ZNF704: variants seen among roughly 807,000 people sequenced by gnomAD.
ZNF704 encodes the protein glucocorticoid induced gene 1.
ZNF704 carries 10 observed loss-of-function variants against 44.7 expected under a neutral mutation model. The observed-to-expected ratio is 0.22, with a 90% confidence interval of 0.14 to 0.38. ZNF704 has a LOEUF of 0.38. Among genes scored for constraint, ZNF704 ranks in the 10% least tolerant of loss-of-function variants. The pLI is 1.00. For synonymous variants in ZNF704, 211 were observed against 207.6 expected (o/e 1.02, Z -0.14); for missense variants, 390 against 545.5 (o/e 0.71, Z 2.84).
chr8:80,794,062 G>C (rs752121987), intron 2 of ZNF704, among the ~76,000 whole-genome samples: 5 of 151,942 alleles, frequency 3.3e-5, no homozygotes, highest in Non-Finnish European at 7.4e-5. Context: ...ATTTATACTT[G>C]TTATAAATAA....
chr8:80,766,165 T>C (rs980157393), intron 2 of ZNF704, among the ~76,000 whole-genome samples: 10 of 152,176 alleles, frequency 6.6e-5, no homozygotes, highest in Admixed American at 6.5e-4. Flanking sequence ...CTCGCTTCCC[T>C]GTTCACAGTA....
At chr8:80,825,995 C>T (rs1808364927) in intron 1 of ZNF704, among the ~76,000 whole-genome samples, 2 of 151,904 alleles carry the variant, frequency 1.3e-5, no homozygotes, top group South Asian at 4.2e-4. Flanking sequence ...AAATTGACAC[C>T]CTAACATCAC....
chr8:80,790,225 T>A (rs556300844), intron 2 of ZNF704, among the ~76,000 whole-genome samples: 2 of 152,320 alleles, frequency 1.3e-5, no homozygotes, highest in Non-Finnish European at 2.9e-5. Flanking sequence ...TGGGCCCAGC[T>A]AAAATATTAT....
intron 2 of ZNF704, among the ~76,000 whole-genome samples, chr8:80,808,896 T>C (rs1405100717): frequency 6.6e-6 from 1 of 152,218 alleles, no homozygotes; most frequent in Non-Finnish European, 1.5e-5. Context: ...TTTGATGAAT[T>C]TGGTAAAGTC....
chr8:80,826,116 C>CA (rs896362062), intron 1 of ZNF704, among the ~76,000 whole-genome samples: 2 of 151,890 alleles, frequency 1.3e-5, no homozygotes, highest in South Asian at 2.1e-4. Context: ...AAAAACCCTT[C>CA]AAAAAAATCA....
chr8:80,691,305 G>C (rs1038236177), intron 3 of ZNF704, among the ~76,000 whole-genome samples: 2 of 152,244 alleles, frequency 1.3e-5, no homozygotes, highest in African/African-American at 4.8e-5. Context: ...AGTGGTCTCA[G>C]TGCATTACAT....
chr8:80,825,413 C>T (rs1469936106), intron 1 of ZNF704, among the ~76,000 whole-genome samples: 8 of 152,152 alleles, frequency 5.3e-5, no homozygotes, highest in Admixed American at 5.2e-4. Flanking sequence ...CAGGAGCACC[C>T]AGATTCATAA....
intron 1 of ZNF704, among the ~76,000 whole-genome samples, chr8:80,851,093 T>C (rs1009160062): frequency 1.3e-5 from 2 of 152,172 alleles, no homozygotes; most frequent in African/African-American, 4.8e-5. Context: ...GCTACAAACT[T>C]GTACGCACGT....
intron 1 of ZNF704, among the ~76,000 whole-genome samples, chr8:80,828,507 T>G (rs190874025): frequency 8.1e-4 from 123 of 152,318 alleles, no homozygotes; most frequent in African/African-American, 2.6e-3. Context: ...TGCACAATCA[T>G]GAGACATTTC....
intron 1 of ZNF704, among the ~76,000 whole-genome samples, chr8:80,830,554 T>C (rs1180777804): frequency 6.6e-6 from 1 of 152,038 alleles, no homozygotes; most frequent in Non-Finnish European, 1.5e-5. Context: ...TAGTGATATC[T>C]GTATGAGTAG....
At chr8:80,809,109 C>G (rs561436522) in intron 2 of ZNF704, among the ~76,000 whole-genome samples, 1 of 152,098 alleles carries the variant, frequency 6.6e-6, no homozygotes, top group African/African-American at 2.4e-5. Flanking sequence ...TTGGCCAACA[C>G]GGTGAAACCC....
chr8:80,672,925 TA>T (rs558048004), intron 4 of ZNF704, among the ~76,000 whole-genome samples: 1,963 of 147,390 alleles, frequency 0.013, 19 homozygotes, highest in African/African-American at 0.023. Context: ...AAGTTGAACT[TA>T]AAAAAAAAAA....
chr8:80,860,246 A>G (rs1243032919), intron 1 of ZNF704, among the ~76,000 whole-genome samples: 3 of 152,222 alleles, frequency 2.0e-5, no homozygotes, highest in Non-Finnish European at 4.4e-5. Flanking sequence ...TAACAGAGAA[A>G]GGAAAATTTG....
intron 2 of ZNF704, among the ~76,000 whole-genome samples, chr8:80,769,673 T>C (rs60685526): frequency 0.13 from 20,369 of 152,180 alleles, 2,114 homozygotes; most frequent in African/African-American, 0.29. Context: ...TTGTACATAC[T>C]GCTATCAGCA....
intron 2 of ZNF704, among the ~76,000 whole-genome samples, chr8:80,816,126 C>G (rs1282951068): frequency 6.6e-6 from 1 of 152,208 alleles, no homozygotes; most frequent in African/African-American, 2.4e-5. Context: ...TCAACTGTCA[C>G]TCTTGTCTAA....
At chr8:80,657,330 A>C (rs548189212) in intron 7 of ZNF704, among the ~76,000 whole-genome samples, 1 of 152,324 alleles carries the variant, frequency 6.6e-6, no homozygotes, top group East Asian at 1.9e-4. Flanking sequence ...TGCTAAAATC[A>C]GTCTAAAGTC....
rs1216478853 is a variant in ZNF704, at chr8:80,874,373, G to A, written c.-22+198C>T. 1.4e-5 allele frequency among the ~76,000 whole-genome samples: 2 copies of A among 146,100 alleles called. No individual in the cohort carries two copies. The highest frequency in any genetic ancestry group is 1.4e-4 in the Admixed American group (2 of 14,756). On this transcript the variant is annotated intron_variant, in intron 1 of 8. Transcript: ENST00000327835. This position sits in a 1 kb window ranked among gnomAD's most constrained non-coding sequence, Gnocchi z 4.4. Reference sequence around the variant, plus strand: ...CCGCGGGCCGCGCTGCGCTCCATGCGGCCGGCGGCCGAGCCCGCGCGCGCC... The same window carrying A: ...CCGCGGGCCGCGCTGCGCTCCATGCAGCCGGCGGCCGAGCCCGCGCGCGCC...
At chr8:80,827,949 GA>G in intron 1 of ZNF704, among the ~76,000 whole-genome samples, 1 of 152,250 alleles carries the variant, frequency 6.6e-6, no homozygotes, top group African/African-American at 2.4e-5. Context: ...TTCAATGTTA[GA>G]CCTAAAACCA....
At chr8:80,656,851 TA>T (rs962527113) in intron 7 of ZNF704, among the ~76,000 whole-genome samples, 4 of 152,094 alleles carry the variant, frequency 2.6e-5, no homozygotes, top group African/African-American at 9.7e-5. Context: ...AGGATAAAGG[TA>T]TTTTTTTTTT....
Sources: gnomAD v4.1 joint callset for allele counts (sites outside exome capture counted in the v4.1 genomes callset) on GRCh38, gnomAD v4.1.1 for gene constraint, Gnocchi (gnomAD v3.1) non-coding constraint, MANE v1.5 for transcripts, NCBI Gene and HGNC (gene_info 2026-07-23, HGNC 2026-07-21) for gene names.